CSMD2: variants seen among roughly 807,000 people sequenced by gnomAD.
CSMD2 encodes CUB and Sushi multiple domains 2.
CSMD2 carries 130 observed loss-of-function variants against 398.5 expected under a neutral mutation model. That is an observed-to-expected ratio of 0.33 (90% CI 0.28 to 0.38). The LOEUF (loss-of-function observed/expected upper bound fraction) is 0.38. CSMD2 is among the 10% of genes least tolerant of loss of function. CSMD2 has a pLI of 1.00. For missense variants in CSMD2, 3,829 were observed against 4,764.9 expected, an observed-to-expected ratio of 0.80 and a Z score of 5.78; for synonymous variants, 1,828 against 1,908.5, an observed-to-expected ratio of 0.96 and a Z score of 1.10.
At position 33,625,232 on chromosome 1, in the gene CSMD2, C is replaced by G; in HGVS notation, c.5319G>C (p.Thr1773=). 1.2e-6 allele frequency: 2 copies of G among 1,612,846 alleles called. No homozygotes were observed. Among genetic ancestry groups the G allele is most frequent in the African/African-American group, 2.7e-5 (2 of 74,904 alleles). ...VYQAVPRTSA[T]QCSSVPEPRY... The stretch of plus-strand genomic sequence containing the variant: ...GGGGTTCCGGCACAGAGCTGCACTG[C>G]GTGGCGCTGGTTCGAGGAACCGCTG... Residue 1773 remains threonine, a synonymous_variant, in exon 34 of 71, where the codon ACG becomes ACC. Coordinates refer to ENST00000373381, the MANE Select transcript of CSMD2 (RefSeq NM_001281956.2).
intron 3 of CSMD2, among the ~76,000 whole-genome samples, chr1:33,960,068 A>G (rs1645301613): frequency 6.6e-6 from 1 of 152,184 alleles, no homozygotes; most frequent in Non-Finnish European, 1.5e-5. Flanking sequence ...GGAGGTCACA[A>G]TGGTCCACAG....
At chr1:34,017,751 T>TAAAAC (rs1369971636) in intron 3 of CSMD2, among the ~76,000 whole-genome samples, 5 of 152,162 alleles carry the variant, frequency 3.3e-5, no homozygotes, top group African/African-American at 1.2e-4. Context: ...CTTATCTCCG[T>TAAAAC]AAAACAAAAC....
intron 3 of CSMD2, among the ~76,000 whole-genome samples, chr1:33,991,866 A>C (rs1487778551): frequency 6.7e-6 from 1 of 148,606 alleles, no homozygotes; most frequent in African/African-American, 2.4e-5. Context: ...AAGTGGTCCA[A>C]GTCAATAAAA....
intron 5 of CSMD2, among the ~76,000 whole-genome samples, chr1:33,867,276 C>T (rs1640109405): frequency 1.3e-5 from 2 of 152,284 alleles, no homozygotes; most frequent in African/African-American, 4.8e-5. Flanking sequence ...TGGCCTCAGA[C>T]CATTAGCCAG....
chr1:33,779,385 G>C (rs1652408542), intron 12 of CSMD2, among the ~76,000 whole-genome samples: 1 of 152,194 alleles, frequency 6.6e-6, no homozygotes, highest in Non-Finnish European at 1.5e-5. Flanking sequence ...CTGAGCCTTA[G>C]TTTTGTCATC....
intron 3 of CSMD2, among the ~76,000 whole-genome samples, chr1:33,956,486 G>C (rs1645173456): frequency 6.6e-6 from 1 of 152,174 alleles, no homozygotes; most frequent in African/African-American, 2.4e-5. Flanking sequence ...TGCTGTAGCA[G>C]GTGTCAGGCC....
In CSMD2 at chr1:33,693,052, C is replaced by T; in HGVS notation, c.3930G>A (p.Glu1310=). 1 of 1,593,404 alleles carries T rather than the reference C, an allele frequency of 6.3e-7. No homozygotes were observed. Among genetic ancestry groups the T allele is most frequent in the African/African-American group, 1.4e-5 (1 of 73,798 alleles). The change falls in exon 25 of 71, where the codon GAG becomes GAA. Residue 1310 remains glutamate, a synonymous_variant. Transcript: ENST00000373381. ...CCTCTCCTCTCACTGTCCCTCCACACTCGGCTGAAAGAAATCCCAAAAGAG... is the reference window on the plus strand; with the variant it reads ...CCTCTCCTCTCACTGTCCCTCCACATTCGGCTGAAAGAAATCCCAAAAGAG... ...WDRPLPTCVA[E]CGGTVRGEVS...
intron 44 of CSMD2, among the ~76,000 whole-genome samples, chr1:33,594,728 T>G (rs1423851552): frequency 6.6e-6 from 1 of 152,204 alleles, no homozygotes; most frequent in Non-Finnish European, 1.5e-5. Context: ...AGGTTTGTCC[T>G]CCTCATCTTT....
intron 25 of CSMD2, among the ~76,000 whole-genome samples, chr1:33,668,121 G>C (rs1258478025): frequency 6.6e-6 from 1 of 152,236 alleles, no homozygotes; most frequent in East Asian, 1.9e-4. Flanking sequence ...GAGGTGGGAG[G>C]AAGCCTGCAG....
chr1:34,083,726 G>A (rs961048325), intron 2 of CSMD2, among the ~76,000 whole-genome samples: 1 of 152,094 alleles, frequency 6.6e-6, no homozygotes, highest in African/African-American at 2.4e-5. Flanking sequence ...AGACCGGCCT[G>A]GGCAACATGG....
intron 15 of CSMD2, 91 bp from the exon 16 acceptor site, chr1:33,726,776 A>ACAC: frequency 5.1e-6 from 7 of 1,367,610 alleles, no homozygotes; most frequent in Non-Finnish European, 6.8e-6. Context: ...TCAGGCAATA[A>ACAC]GTATAGTTTT....
intron 25 of CSMD2, among the ~76,000 whole-genome samples, chr1:33,667,618 A>C (rs1644358090): frequency 6.6e-6 from 1 of 152,200 alleles, no homozygotes; most frequent in Non-Finnish European, 1.5e-5. Context: ...AATCATCAAC[A>C]GTTTATATGT....
intron 2 of CSMD2, among the ~76,000 whole-genome samples, chr1:34,062,987 G>A (rs113456743): frequency 0.016 from 2,434 of 152,134 alleles, 35 homozygotes; most frequent in Non-Finnish European, 0.027. Context: ...CTTACATGGC[G>A]GCAACAAGAT....
chr1:33,864,206 C>G, intron 5 of CSMD2: 1 of 1,595,924 alleles, frequency 6.3e-7, no homozygotes, highest in Non-Finnish European at 8.5e-7. Context: ...GAAAAGAAAT[C>G]CAGCTAAAGC....
chr1:33,787,835 C>G (rs934539914), intron 12 of CSMD2, among the ~76,000 whole-genome samples: 1 of 152,080 alleles, frequency 6.6e-6, no homozygotes, highest in African/African-American at 2.4e-5. Context: ...TTGCAGTTCC[C>G]TTAATGCCTA....
intron 1 of CSMD2, among the ~76,000 whole-genome samples, chr1:34,116,919 G>A (rs1661657337): frequency 6.6e-6 from 1 of 151,854 alleles, no homozygotes; most frequent in Admixed American, 6.6e-5. Flanking sequence ...AATCACAGGG[G>A]AATTAGAAAA....
At chr1:33,590,644 TACC>T (rs1364068050) in intron 44 of CSMD2, among the ~76,000 whole-genome samples, 52 of 126,394 alleles carry the variant, frequency 4.1e-4, no homozygotes, top group Admixed American at 4.0e-3. Context: ...CATATACTCT[TACC>T]ACATTGATGG....
chr1:33,838,205 A>G (rs1340824660), intron 6 of CSMD2, among the ~76,000 whole-genome samples: 1 of 152,190 alleles, frequency 6.6e-6, no homozygotes, highest in African/African-American at 2.4e-5. Flanking sequence ...TGCTGGCTGA[A>G]CCATCTTTTC....
At chr1:33,587,222 C>T (rs1172591217) in intron 44 of CSMD2, 54 bp from the exon 45 acceptor site, 1 of 1,275,242 alleles carries the variant, frequency 7.8e-7, no homozygotes, top group Non-Finnish European at 1.1e-6. Context: ...TCCAGGTACA[C>T]CGTCATTCAT....
Sources: gnomAD v4.1 joint callset for allele counts (sites outside exome capture counted in the v4.1 genomes callset) on GRCh38, gnomAD v4.1.1 for gene constraint, MANE v1.5 for transcripts, NCBI Gene and HGNC (gene_info 2026-07-23, HGNC 2026-07-21) for gene names.